The following CEP63 variants were observed in gnomAD, a reference collection of about 807,000 sequenced individuals.
The protein encoded by CEP63 is centrosomal protein of 63 kDa.
A neutral mutation model predicts 89.1 loss-of-function variants in CEP63; 84 were observed. The observed-to-expected ratio is 0.94, with a 90% confidence interval of 0.79 to 1.13. CEP63 has a LOEUF of 1.13. CEP63 is among the 50% of genes most tolerant of loss of function. The pLI, the probability that CEP63 is intolerant of heterozygous loss-of-function variation, is 0.00. For synonymous variants in CEP63, 267 were observed against 272.5 expected (o/e 0.98, Z 0.20); for missense variants, 838 against 813.3 (o/e 1.03, Z -0.37).
the CEP63 span, among the ~76,000 whole-genome samples, chr3:134,771,725 T>A: frequency 1.9e-4 from 29 of 152,304 alleles, no homozygotes; most frequent in African/African-American, 6.7e-4. Context: ...CCACGGCACG[T>A]GTATACCTAT....
chr3:134,601,740 C>T, the CEP63 span, among the ~76,000 whole-genome samples: 3 of 152,198 alleles, frequency 2.0e-5, no homozygotes, highest in African/African-American at 7.2e-5. Flanking sequence ...TCGAGGCCGC[C>T]GGCCTGTTGG....
At chr3:134,763,285 G>A in the CEP63 span, among the ~76,000 whole-genome samples, 1 of 151,934 alleles carries the variant, frequency 6.6e-6, no homozygotes, top group East Asian at 1.9e-4. Context: ...CTGTGTCCAT[G>A]TATTCTCATT....
downstream of CEP63, among the ~76,000 whole-genome samples, chr3:134,575,228 TCCC>T: frequency 7.5e-5 from 1 of 13,364 alleles, no homozygotes; most frequent in African/African-American, 2.0e-4. Context: ...CCTCCCTCCC[TCCC>T]TCCCTTCCTT....
chr3:134,618,974 A>T, the CEP63 span, among the ~76,000 whole-genome samples: 2 of 152,198 alleles, frequency 1.3e-5, no homozygotes, highest in African/African-American at 4.8e-5. Context: ...TACAAAGTCA[A>T]TTATGCTGGT....
chr3:134,566,129 CT>C (rs11316038), downstream of CEP63, among the ~76,000 whole-genome samples: 149,624 of 150,270 alleles, frequency 1, 74,494 homozygotes, highest in Middle Eastern at 1. Context: ...CAATTCACAT[CT>C]TTTTTTTTTT....
At chr3:134,665,465 A>G in the CEP63 span, among the ~76,000 whole-genome samples, 1 of 152,218 alleles carries the variant, frequency 6.6e-6, no homozygotes, top group South Asian at 2.1e-4. Flanking sequence ...CAGTGGTGAC[A>G]GCAACCTGTT....
At chr3:134,606,863 G>T in the CEP63 span, 1 of 935,116 alleles carries the variant, frequency 1.1e-6, no homozygotes, top group Non-Finnish European at 1.3e-6. Context: ...CTAGAGCCTG[G>T]CAGCTTTCCA....
intron 14 of CEP63, among the ~76,000 whole-genome samples, chr3:134,560,835 A>G (rs9837130): frequency 0.29 from 44,659 of 152,124 alleles, 8,223 homozygotes; most frequent in East Asian, 0.61. Context: ...ATAGAACACA[A>G]CTACTGCTAT....
the CEP63 span, among the ~76,000 whole-genome samples, chr3:134,609,863 G>T: frequency 1.3e-5 from 2 of 152,244 alleles, no homozygotes; most frequent in Admixed American, 1.3e-4. Context: ...AGTCTGGAAG[G>T]GAACCTGCCA....
chr3:134,731,928 C>T, the CEP63 span, among the ~76,000 whole-genome samples: 1 of 152,250 alleles, frequency 6.6e-6, no homozygotes, highest in South Asian at 2.1e-4. Flanking sequence ...TAGTTCATAG[C>T]ATCAGCCAAG....
chr3:134,752,997 G>A, the CEP63 span, among the ~76,000 whole-genome samples: 1 of 152,210 alleles, frequency 6.6e-6, no homozygotes, highest in Non-Finnish European at 1.5e-5. Context: ...CTGCTGAGAA[G>A]AAAGGGCCTC....
downstream of CEP63, among the ~76,000 whole-genome samples, chr3:134,576,284 C>T (rs374283159): frequency 2.0e-5 from 3 of 152,222 alleles, no homozygotes; most frequent in Non-Finnish European, 4.4e-5. Flanking sequence ...ATGGGCTACT[C>T]AGAATGACAG....
At chr3:134,678,103 C>T in the CEP63 span, among the ~76,000 whole-genome samples, 1 of 152,248 alleles carries the variant, frequency 6.6e-6, no homozygotes, top group South Asian at 2.1e-4. Context: ...GGGCTCCCAC[C>T]TGCTTCTCAG....
At chr3:134,637,643 GC>G in the CEP63 span, among the ~76,000 whole-genome samples, 2 of 152,170 alleles carry the variant, frequency 1.3e-5, no homozygotes, top group Admixed American at 1.3e-4. Flanking sequence ...TTCTCATAAT[GC>G]CCAGGTACTT....
chr3:134,627,046 C>A, the CEP63 span, among the ~76,000 whole-genome samples: 4 of 152,290 alleles, frequency 2.6e-5, no homozygotes, highest in East Asian at 7.7e-4. Flanking sequence ...ATAAAGGTGG[C>A]ATTTCTGAAA....
chr3:134,576,703 G>A (rs1321654290), downstream of CEP63, among the ~76,000 whole-genome samples: 1 of 152,196 alleles, frequency 6.6e-6, no homozygotes, highest in Non-Finnish European at 1.5e-5. Context: ...AAATGCTGTA[G>A]ATGGAACTCC....
chr3:134,597,242 G>A, the CEP63 span, among the ~76,000 whole-genome samples: 1 of 152,166 alleles, frequency 6.6e-6, no homozygotes, highest in African/African-American at 2.4e-5. Flanking sequence ...GGGAGAGAAG[G>A]AGAAATAAGA....
intron 9 of CEP63, among the ~76,000 whole-genome samples, chr3:134,548,150 A>G (rs951664176): frequency 3.3e-5 from 5 of 152,088 alleles, no homozygotes; most frequent in African/African-American, 9.7e-5. Flanking sequence ...TGGGGGAAAA[A>G]CCATCCCTTA....
the CEP63 span, among the ~76,000 whole-genome samples, chr3:134,689,987 T>C: frequency 6.6e-6 from 1 of 152,220 alleles, no homozygotes; most frequent in Non-Finnish European, 1.5e-5. Flanking sequence ...TTATTTTTCA[T>C]TGCTATTAGT....
Sources: allele counts gnomAD v4.1 joint callset (sites outside exome capture counted in the v4.1 genomes callset), GRCh38; gene constraint gnomAD v4.1.1; transcripts MANE v1.5; gene names NCBI Gene and HGNC (gene_info 2026-07-23, HGNC 2026-07-21).